Variants in CNBD1 observed in about 807,000 individuals in gnomAD.
CNBD1 encodes cyclic nucleotide binding domain containing 1, also known as cyclic nucleotide-binding domain-containing protein 1.
Under a neutral mutation model 54.4 loss-of-function variants are expected in CNBD1, and 71 were observed. The ratio of observed to expected loss-of-function variants is 1.30; its 90% CI spans 1.08 to 1.59. CNBD1 has a LOEUF of 1.59. Ranked by LOEUF, CNBD1 falls within the 40% of genes most tolerant of loss-of-function variation. The pLI, the probability that CNBD1 is intolerant of heterozygous loss-of-function variation, is 0.00. For missense variants in CNBD1, 659 were observed against 518.0 expected, an observed-to-expected ratio of 1.27 and a Z score of -2.64; for synonymous variants, 182 against 170.7, an observed-to-expected ratio of 1.07 and a Z score of -0.51.
At chr8:87,141,104 G>A (rs1812361452) in intron 4 of CNBD1, among the ~76,000 whole-genome samples, 1 of 151,976 alleles carries the variant, frequency 6.6e-6, no homozygotes, top group South Asian at 2.1e-4. Context: ...TTCACACATG[G>A]TATTTACTAT....
At chr8:87,229,374 C>T (rs998958237) in intron 5 of CNBD1, among the ~76,000 whole-genome samples, 1 of 152,074 alleles carries the variant, frequency 6.6e-6, no homozygotes, top group African/African-American at 2.4e-5. Context: ...TGTTTCTTCT[C>T]ACAGGTTAAA....
intron 8 of CNBD1, among the ~76,000 whole-genome samples, chr8:87,310,103 C>T (rs1410175863): frequency 6.6e-6 from 1 of 152,074 alleles, no homozygotes; most frequent in African/African-American, 2.4e-5. Flanking sequence ...ACCTATAATT[C>T]CAGCATTTTG....
Position 87,354,854 on chromosome 8 carries a change from C to A in CNBD1, c.1303+1068C>A, listed in dbSNP as rs1047658254. 3.3e-5 allele frequency among the ~76,000 whole-genome samples: 5 copies of A among 151,640 alleles called. No individual in the cohort carries two copies. In the East Asian group the frequency reaches 9.6e-4, roughly 29 times the overall value. ...CAAGTCTTTGCTATTGTGAATAGTG[C>A]CGCAATAACATACGTATGCATTTGT... On this transcript the variant is annotated intron_variant, in intron 10 of 10. Coordinates refer to ENST00000518476, the MANE Select transcript of CNBD1 (RefSeq NM_173538.3).
intron 2 of CNBD1, among the ~76,000 whole-genome samples, chr8:87,418,565 GA>G (rs1453756454): frequency 1.3e-5 from 2 of 151,696 alleles, no homozygotes; most frequent in Admixed American, 6.6e-5. Flanking sequence ...TCAAGAAAGT[GA>G]AAAGATGACC....
intron 4 of CNBD1, among the ~76,000 whole-genome samples, chr8:87,114,491 C>T (rs1464313624): frequency 1.3e-5 from 2 of 152,142 alleles, no homozygotes; most frequent in Non-Finnish European, 2.9e-5. Context: ...GCTGGGTTTA[C>T]AGGCACATGC....
chr8:87,081,156 C>G (rs1199655760), intron 4 of CNBD1, among the ~76,000 whole-genome samples: 2 of 152,020 alleles, frequency 1.3e-5, no homozygotes, highest in Non-Finnish European at 2.9e-5. Context: ...AAATGTTTCT[C>G]TAAATACTTA....
chr8:86,917,828 T>A (rs993096514), intron 3 of CNBD1, among the ~76,000 whole-genome samples: 1 of 151,868 alleles, frequency 6.6e-6, no homozygotes, highest in Non-Finnish European at 1.5e-5. Flanking sequence ...CAGAAAAAGA[T>A]ATGAAATTTA....
chr8:86,998,416 C>CA (rs1422367013), intron 4 of CNBD1, among the ~76,000 whole-genome samples: 8 of 151,782 alleles, frequency 5.3e-5, no homozygotes, highest in East Asian at 1.9e-4. Flanking sequence ...GCAAAAAGCA[C>CA]AAAAAATGCA....
At chr8:87,356,842 C>A (rs1199906448) in intron 10 of CNBD1, among the ~76,000 whole-genome samples, 2 of 152,118 alleles carry the variant, frequency 1.3e-5, no homozygotes, top group Non-Finnish European at 2.9e-5. Context: ...TTTCAGAAAT[C>A]TTGAAGACAG....
intron 8 of CNBD1, among the ~76,000 whole-genome samples, chr8:87,343,254 C>T (rs1255448855): frequency 1.3e-5 from 2 of 152,116 alleles, no homozygotes; most frequent in East Asian, 3.9e-4. Flanking sequence ...ATTGTTCAAA[C>T]ACACATGTTT....
chr8:87,157,214 A>G (rs1358559240), intron 4 of CNBD1, among the ~76,000 whole-genome samples: 1 of 152,238 alleles, frequency 6.6e-6, no homozygotes, highest in Non-Finnish European at 1.5e-5. Context: ...ACGCTGATTA[A>G]CAATGCACTT....
intron 1 of CNBD1, among the ~76,000 whole-genome samples, chr8:86,875,187 A>G (rs768135197): frequency 1.3e-5 from 2 of 151,598 alleles, no homozygotes; most frequent in Non-Finnish European, 2.9e-5. Flanking sequence ...CTTGTTTGTA[A>G]TCTATCTTCC....
intron 5 of CNBD1, among the ~76,000 whole-genome samples, chr8:87,216,715 C>A (rs1404780542): frequency 6.6e-6 from 1 of 152,150 alleles, no homozygotes; most frequent in Non-Finnish European, 1.5e-5. Context: ...CCTTTTGAGT[C>A]TGGGTCTTCT....
intron 2 of CNBD1, among the ~76,000 whole-genome samples, chr8:86,901,997 T>G (rs559651134): frequency 6.6e-6 from 1 of 152,304 alleles, no homozygotes; most frequent in East Asian, 1.9e-4. Context: ...AATTGGAATG[T>G]GTTCACTCAT....
chr8:87,065,857 C>T (rs1038390309), intron 4 of CNBD1, among the ~76,000 whole-genome samples: 1 of 151,972 alleles, frequency 6.6e-6, no homozygotes, highest in African/African-American at 2.4e-5. Context: ...ACCCAGTTCA[C>T]TGTAGCTCTA....
intron 2 of CNBD1, among the ~76,000 whole-genome samples, chr8:87,420,306 C>A (rs1367334921): frequency 2.0e-5 from 3 of 151,920 alleles, no homozygotes; most frequent in South Asian, 4.1e-4. Context: ...ACAGCAGGAC[C>A]TTTTAAATTA....
intron 4 of CNBD1, among the ~76,000 whole-genome samples, chr8:87,014,014 A>C (rs1809298838): frequency 6.6e-6 from 1 of 152,006 alleles, no homozygotes; most frequent in Non-Finnish European, 1.5e-5. Context: ...TAAATCTATA[A>C]AATACTTGTA....
chr8:87,120,871 G>T (rs1298659124), intron 4 of CNBD1, among the ~76,000 whole-genome samples: 1 of 151,790 alleles, frequency 6.6e-6, no homozygotes, highest in East Asian at 1.9e-4. Flanking sequence ...TTTTGTTTTT[G>T]TTTTGTAGAT....
intron 2 of CNBD1, among the ~76,000 whole-genome samples, chr8:87,416,773 A>G (rs1436268509): frequency 6.6e-6 from 1 of 151,176 alleles, no homozygotes. Flanking sequence ...ATAATAGGGA[A>G]CATTTTCCAA....
Sources: allele counts gnomAD v4.1 joint callset (sites outside exome capture counted in the v4.1 genomes callset), GRCh38; gene constraint gnomAD v4.1.1; transcripts MANE v1.5; gene names NCBI Gene and HGNC (gene_info 2026-07-23, HGNC 2026-07-21).